Variants in B3GLCT observed in about 807,000 individuals in gnomAD.
B3GLCT encodes the protein beta-1,3-glucosyltransferase.
B3GLCT carries 65 observed loss-of-function variants against 63.4 expected under a neutral mutation model. The ratio of observed to expected loss-of-function variants is 1.03; its 90% CI spans 0.84 to 1.26. The LOEUF (loss-of-function observed/expected upper bound fraction) is 1.26, where lower values mean the gene tolerates loss of function less well. Among genes scored for constraint, B3GLCT ranks in the 50% most tolerant of loss-of-function variants. B3GLCT has a pLI of 0.00. For missense variants in B3GLCT, 577 were observed against 604.8 expected (o/e 0.95, Z 0.48); for synonymous variants, 233 against 219.2 (o/e 1.06, Z -0.55).
chr13:31,273,173 C>T (rs1872643304), intron 8 of B3GLCT, among the ~76,000 whole-genome samples: 1 of 152,252 alleles, frequency 6.6e-6, no homozygotes, highest in Non-Finnish European at 1.5e-5. Flanking sequence ...TGGCTCACTG[C>T]AACCTCCATC....
chr13:31,297,898 G>C (rs899089625), intron 12 of B3GLCT, among the ~76,000 whole-genome samples: 1 of 152,174 alleles, frequency 6.6e-6, no homozygotes, highest in African/African-American at 2.4e-5. Flanking sequence ...TGTAGGGTGA[G>C]GTATGAGAGA....
intron 4 of B3GLCT, among the ~76,000 whole-genome samples, chr13:31,233,905 A>C (rs1369184814): frequency 6.6e-6 from 1 of 152,154 alleles, no homozygotes; most frequent in Non-Finnish European, 1.5e-5. Flanking sequence ...AAGACATACT[A>C]CGGGCAAAGT....
chr13:31,310,631 G>C (rs1020789842), intron 12 of B3GLCT, among the ~76,000 whole-genome samples: 1 of 152,334 alleles, frequency 6.6e-6, no homozygotes, highest in South Asian at 2.1e-4. Flanking sequence ...GGGCTGGAGT[G>C]GGGTGGCAGG....
At chr13:31,321,915 T>TAG (rs1488180654) in intron 13 of B3GLCT, among the ~76,000 whole-genome samples, 7 of 152,158 alleles carry the variant, frequency 4.6e-5, no homozygotes, top group African/African-American at 1.7e-4. Flanking sequence ...TTAGTGGTGA[T>TAG]TTCTGATATT....
intron 12 of B3GLCT, among the ~76,000 whole-genome samples, chr13:31,287,978 A>G (rs925034826): frequency 5.9e-5 from 9 of 152,256 alleles, no homozygotes; most frequent in Non-Finnish European, 1.2e-4. Context: ...ATAATTTTAG[A>G]AAATTAACAC....
In B3GLCT at chr13:31,200,269, C is replaced by T. The variant is rs950620729; in HGVS notation, c.70+115C>T. 6.7e-3 allele frequency: 3,168 copies of T among 474,940 alleles called. 19 individuals carry two copies. The highest frequency in any genetic ancestry group is 8.1e-3 in the Non-Finnish European group (2,933 of 360,410). The allele number at this position is 474,940 out of a possible 1,614,324, so 29.4% of individuals were successfully genotyped here. ...GCAGGGCGGCCCAGCCCTGCCCCGC[C>T]GGCGCGCGCGTCCCGCCGTCCGGTC... is the stretch of plus-strand genomic sequence containing the variant. On this transcript the variant is annotated intron_variant, in intron 1 of 14. Coordinates refer to ENST00000343307, the MANE Select transcript of B3GLCT (RefSeq NM_194318.4).
At chr13:31,260,880 C>T in intron 6 of B3GLCT, 66 bp from the exon 7 acceptor site, 1 of 1,411,592 alleles carries the variant, frequency 7.1e-7, no homozygotes. Flanking sequence ...CCAATAGTAC[C>T]ACCTTCTATT....
In B3GLCT at chr13:31,286,735, C is replaced by T; in HGVS notation, c.980C>T (p.Thr327Ile). Residue 327 changes from threonine to isoleucine, a missense_variant, in exon 12 of 15, where the codon ACA (threonine) becomes ATA (isoleucine). By Grantham distance (89) the Thr-to-Ile change is moderately conservative. Transcript: ENST00000343307. ...PNTDRGHCGK[T>I]FAILERFLNR... Reference sequence around the variant, plus strand: ...CCTTTTCTAGGTCATTGTGGAAAGACATTTGCCATTTTGGAAAGATTTCTG... The same window carrying T: ...CCTTTTCTAGGTCATTGTGGAAAGATATTTGCCATTTTGGAAAGATTTCTG... The T allele has an allele frequency of 6.2e-7, 1 of 1,612,038 alleles. No homozygotes were observed. Among genetic ancestry groups the T allele is most frequent in the Non-Finnish European group, 8.5e-7 (1 of 1,178,350 alleles).
At chr13:31,253,250 A>G (rs987877956) in intron 6 of B3GLCT, among the ~76,000 whole-genome samples, 4 of 152,178 alleles carry the variant, frequency 2.6e-5, no homozygotes, top group African/African-American at 7.2e-5. Context: ...AATGCCCACA[A>G]GAGAAGGCAG....
intron 3 of B3GLCT, among the ~76,000 whole-genome samples, chr13:31,223,504 T>C (rs2175465): frequency 0.86 from 131,015 of 152,188 alleles, 58,045 homozygotes; most frequent in Non-Finnish European, 0.97. Flanking sequence ...AAGCCGTTAC[T>C]CCTTCCTTTG....
intron 3 of B3GLCT, among the ~76,000 whole-genome samples, chr13:31,227,989 G>C (rs1870185668): frequency 6.6e-6 from 1 of 152,232 alleles, no homozygotes; most frequent in Non-Finnish European, 1.5e-5. Flanking sequence ...ACCTGGGGAG[G>C]CCTAACGTGT....
chr13:31,247,899 G>C lies in B3GLCT; in HGVS notation c.392G>C (p.Cys131Ser). ...AGAAATTCATCTTGGATTTTCTTCTGTGAAGAAGAGACAAGAATACAGATT... is the reference window on the plus strand; with the variant it reads ...AGAAATTCATCTTGGATTTTCTTCTCTGAAGAAGAGACAAGAATACAGATT... ...YSRNSSWIFF[C>S]EEETRIQIPK... Residue 131 changes from cysteine (C) to serine (S), a missense_variant, in exon 6 of 15, where the codon TGT becomes TCT. Coordinates refer to ENST00000343307, the MANE Select transcript of B3GLCT (RefSeq NM_194318.4). The C allele has an allele frequency of 6.2e-7, 1 of 1,611,202 alleles. No individual in the cohort carries two copies.
rs1872005882 is a variant in B3GLCT at position 31,261,074 on chromosome 13, T to G, written c.588T>G (p.Leu196=). ...CAGGCTGGGCCTTAAGTATTCCACT[T>G]GTAAACAAGTAAGAATTTATTGGAA... is the stretch of plus-strand genomic sequence containing the variant. ...FAAGWALSIP[L]VNKLTKRLKS... is the part of the protein sequence containing the mutation. Residue 196 remains leucine, a synonymous_variant, in exon 7 of 15, where the codon CTT becomes CTG. Coordinates refer to ENST00000343307, the MANE Select transcript of B3GLCT (RefSeq NM_194318.4). The G allele has an allele frequency of 6.2e-7, 1 of 1,613,276 alleles. No individual in the cohort carries two copies. The highest frequency in any genetic ancestry group is 1.1e-5 in the South Asian group (1 of 90,892).
At chr13:31,238,467 A>C (rs1870765624) in intron 4 of B3GLCT, among the ~76,000 whole-genome samples, 1 of 152,168 alleles carries the variant, frequency 6.6e-6, no homozygotes, top group African/African-American at 2.4e-5. Flanking sequence ...CCAATCTATA[A>C]CTCAGCTGAC....
At chr13:31,257,956 A>G (rs1180206859) in intron 6 of B3GLCT, among the ~76,000 whole-genome samples, 1 of 152,180 alleles carries the variant, frequency 6.6e-6, no homozygotes, top group East Asian at 1.9e-4. Flanking sequence ...TTCTTGTTTC[A>G]GGGGAGATAA....
chr13:31,222,363 AC>A (rs1255419542), intron 2 of B3GLCT, among the ~76,000 whole-genome samples: 15 of 151,976 alleles, frequency 9.9e-5, no homozygotes, highest in Admixed American at 8.5e-4. Flanking sequence ...GGTATGAGCC[AC>A]CGCACCCGGC....
chr13:31,244,223 GGCTCAT>G lies in B3GLCT; in HGVS notation c.271-2797_271-2792del, dbSNP rs571038414. On this transcript the variant is annotated intron_variant, in intron 4 of 14. Transcript: ENST00000343307. ...AACTTGCTTTGAGACTGGGCACGGTGGCTCATGCCTGTAATCCCAGCACTTTGGGAG... is the reference window on the plus strand; with the variant it reads ...AACTTGCTTTGAGACTGGGCACGGTGGCCTGTAATCCCAGCACTTTGGGAG... 2.0e-5 allele frequency among the ~76,000 whole-genome samples: 3 copies of G among 152,310 alleles called. No individual in the cohort carries two copies. The South Asian group carries it at 6.2e-4, about 32-fold the overall frequency.
chr13:31,250,832 C>T (rs914312411), intron 6 of B3GLCT, among the ~76,000 whole-genome samples: 10 of 152,200 alleles, frequency 6.6e-5, no homozygotes, highest in Admixed American at 5.2e-4. Context: ...AAGAGAGCAG[C>T]GGATCTCTCA....
At chr13:31,268,086 TCCTCCTGCCTTTG>T (rs1047543732) in intron 7 of B3GLCT, among the ~76,000 whole-genome samples, 66 of 152,288 alleles carry the variant, frequency 4.3e-4, no homozygotes, top group African/African-American at 1.6e-3. Flanking sequence ...CCTCAAGCAG[TCCTCCTGCCTTTG>T]CCTCCCAAAG....
Sources: gnomAD v4.1 joint callset for allele counts (sites outside exome capture counted in the v4.1 genomes callset) on GRCh38, gnomAD v4.1.1 for gene constraint, MANE v1.5 for transcripts, NCBI Gene and HGNC (gene_info 2026-07-23, HGNC 2026-07-21) for gene names.